Variants in TEX10 observed in about 807,000 individuals in gnomAD.
TEX10 encodes the protein testis-expressed protein 10.
A neutral mutation model predicts 104.4 loss-of-function variants in TEX10; 24 were observed. The observed-to-expected ratio is 0.23, with a 90% CI of 0.17 to 0.32. The LOEUF (loss-of-function observed/expected upper bound fraction) is 0.32, where lower values mean the gene tolerates loss of function less well. Among genes scored for constraint, TEX10 ranks in the 10% least tolerant of loss-of-function variants. The pLI, the probability that TEX10 is intolerant of heterozygous loss-of-function variation, is 1.00. For missense variants in TEX10, 921 were observed against 1,083.9 expected (o/e 0.85, Z 2.11); for synonymous variants, 396 against 393.4 (o/e 1.01, Z -0.08).
intron 13 of TEX10, chr9:100,304,111 A>C: frequency 8.2e-6 from 4 of 490,006 alleles, no homozygotes; most frequent in Non-Finnish European, 3.7e-6. Flanking sequence ...ACACAGATAA[A>C]TGGAAAAACA....
chr9:100,340,003 C>T (rs946758164), intron 5 of TEX10, among the ~76,000 whole-genome samples: 32 of 151,994 alleles, frequency 2.1e-4, no homozygotes, highest in Admixed American at 1.8e-3. Context: ...TTATTAAATT[C>T]GTATTTACAT....
chr9:100,329,342 G>A, intron 6 of TEX10, 67 bp from the exon 7 acceptor site: 1 of 1,553,946 alleles, frequency 6.4e-7, no homozygotes, highest in Non-Finnish European at 8.6e-7. Flanking sequence ...AAATTCCTCT[G>A]AATGCACCGA....
At chr9:100,310,595 G>A (rs1452714527) in intron 11 of TEX10, among the ~76,000 whole-genome samples, 1 of 151,910 alleles carries the variant, frequency 6.6e-6, no homozygotes, top group African/African-American at 2.4e-5. Flanking sequence ...ACACCACCAC[G>A]CCTGGCTAAT....
chr9:100,321,741 A>G lies in TEX10; in HGVS notation c.2010T>C (p.Ala670=), dbSNP rs1343234536. The stretch of plus-strand genomic sequence containing the variant: ...CTACATCACTCATCAACCAGTCTTT[A>G]GCTGAATACTTCCACCCAGAAAATG... ...RSSFSGWKYS[A]KDWLMSDVDY... Residue 670 remains alanine, a synonymous_variant, in exon 10 of 15, where the codon GCT becomes GCC. Transcript: ENST00000374902. 2 of 1,612,708 alleles carry G rather than the reference A, an allele frequency of 1.2e-6. No individual in the cohort carries two copies. The highest frequency in any genetic ancestry group is 1.7e-4 in the Middle Eastern group (1 of 6,058).
Position 100,352,885 on chromosome 9 carries a change from T to C in TEX10, c.-123A>G. Reference sequence around the variant, plus strand: ...CTCAGGCTCTAGCTCCCGGAGCGTGTTTTCAAATAGCCTCGTCCTCACGCG... The same window carrying C: ...CTCAGGCTCTAGCTCCCGGAGCGTGCTTTCAAATAGCCTCGTCCTCACGCG... On this transcript the variant is annotated 5_prime_UTR_variant, in exon 1 of 15. Transcript: ENST00000374902. 2.0e-6 allele frequency: 2 copies of C among 995,500 alleles called. No individual in the cohort carries two copies. Among genetic ancestry groups the C allele is most frequent in the Non-Finnish European group, 2.4e-6 (2 of 837,360 alleles). 61.7% of individuals were successfully genotyped at this position (995,500 alleles called of 1,614,324 possible). A position where few individuals can be genotyped will look rare whatever the true frequency, so the allele number is the denominator to read the frequency against.
At chr9:100,337,538 T>C (rs1015957155) in intron 5 of TEX10, among the ~76,000 whole-genome samples, 2 of 152,220 alleles carry the variant, frequency 1.3e-5, no homozygotes, top group African/African-American at 4.8e-5. Context: ...GGAAAAAGTC[T>C]AACATCTTGC....
At chr9:100,310,606 T>G (rs924959040) in intron 11 of TEX10, among the ~76,000 whole-genome samples, 2 of 152,006 alleles carry the variant, frequency 1.3e-5, no homozygotes, top group Non-Finnish European at 2.9e-5. Flanking sequence ...CCTGGCTAAT[T>G]TTTGTATTCT....
At chr9:100,343,345 A>G (rs936891875) in intron 4 of TEX10, among the ~76,000 whole-genome samples, 9 of 151,172 alleles carry the variant, frequency 6.0e-5, no homozygotes, top group Non-Finnish European at 1.3e-4. Context: ...GCAAAAAAAA[A>G]AAAGAAAGAA....
chr9:100,302,931 C>G (rs1054821017), intron 14 of TEX10, among the ~76,000 whole-genome samples: 2 of 144,290 alleles, frequency 1.4e-5, no homozygotes, highest in Non-Finnish European at 1.5e-5. Flanking sequence ...TTTAACCGCC[C>G]CCCCCCCAAA....
rs571878081 is a variant in TEX10 at position 100,345,497 on chromosome 9, G to C, written c.1137+575C>G. Among the ~76,000 whole-genome samples the C allele has an allele frequency of 7.2e-5, 11 of 152,318 alleles. No homozygotes were observed. In the South Asian group the frequency reaches 2.3e-3, roughly 32 times the overall value. On this transcript the variant is annotated intron_variant, in intron 4 of 14. Coordinates refer to ENST00000374902, the MANE Select transcript of TEX10 (RefSeq NM_017746.4). Reference sequence around the variant, plus strand: ...CTTCTAGCTTTGAAGTCTTGCTTCTGTAGCTACCCTTTTCAAGTGTGTTAC... The same window carrying C: ...CTTCTAGCTTTGAAGTCTTGCTTCTCTAGCTACCCTTTTCAAGTGTGTTAC...
intron 8 of TEX10, 152 bp from the exon 9 acceptor site, chr9:100,326,631 A>C: frequency 1.4e-6 from 1 of 738,194 alleles, no homozygotes; most frequent in Non-Finnish European, 2.1e-6. Context: ...AATTATATTA[A>C]TATCATAAAA....
intron 4 of TEX10, 108 bp downstream of exon 4, chr9:100,345,964 T>A (rs1835290090): frequency 7.7e-7 from 1 of 1,305,248 alleles, no homozygotes; most frequent in East Asian, 2.5e-5. Flanking sequence ...CCAGGGTACT[T>A]TTCAGAAAAA....
At chr9:100,323,485 A>G (rs977069172) in intron 9 of TEX10, among the ~76,000 whole-genome samples, 4 of 152,196 alleles carry the variant, frequency 2.6e-5, no homozygotes, top group African/African-American at 7.2e-5. Context: ...CAATCTGGCT[A>G]TAAATAAACT....
In TEX10 at chr9:100,326,316, C is replaced by A. The variant is rs769696203; in HGVS notation, c.1965G>T (p.Gly655=). ...GAGCATGCTACCTCATGTGCAGTAT[C>A]CCGATAAGCATGGCAGCCAAACTTG... is the stretch of plus-strand genomic sequence containing the variant. ...LSSSLAAMLI[G]ILHMRSSFSG... Residue 655 remains glycine, a synonymous_variant, in exon 9 of 15, where the codon GGG becomes GGT. Coordinates refer to ENST00000374902, the MANE Select transcript of TEX10 (RefSeq NM_017746.4). The A allele has an allele frequency of 2.5e-6, 4 of 1,613,666 alleles. No homozygotes were observed. Among genetic ancestry groups the A allele is most frequent in the Non-Finnish European group, 3.4e-6 (4 of 1,179,858 alleles).
chr9:100,348,380 G>A (rs1449447219), intron 2 of TEX10, among the ~76,000 whole-genome samples: 3 of 152,236 alleles, frequency 2.0e-5, no homozygotes, highest in East Asian at 3.9e-4. Flanking sequence ...CAAAACCAAT[G>A]AATTGTATTC....
intron 10 of TEX10, 92 bp from the exon 11 acceptor site, chr9:100,320,490 G>T: frequency 7.3e-7 from 1 of 1,361,932 alleles, no homozygotes; most frequent in Non-Finnish European, 9.8e-7. Flanking sequence ...ATGCCTTCAA[G>T]TGAACATTCT....
At position 100,322,966 on chromosome 9, in the gene TEX10, T is replaced by C. The variant is rs1004271238; in HGVS notation, c.1980-1195A>G. Among the ~76,000 whole-genome samples, 7 of 152,132 alleles carry C rather than the reference T, an allele frequency of 4.6e-5. No individual in the cohort carries two copies. The East Asian group carries it at 7.7e-4, about 17-fold the overall frequency. On this transcript the variant is annotated intron_variant, in intron 9 of 14. Transcript: ENST00000374902. The stretch of plus-strand genomic sequence containing the variant: ...AGGCATAAAATAATGAAAACACTCT[T>C]CTTGAGTGTCATTCCCAGGTGATAA...
chr9:100,321,420 C>T (rs1834569448), intron 10 of TEX10, among the ~76,000 whole-genome samples: 1 of 152,030 alleles, frequency 6.6e-6, no homozygotes. Context: ...ACATGACATT[C>T]AAATAATGCT....
chr9:100,339,656 G>A (rs927943615), intron 5 of TEX10, among the ~76,000 whole-genome samples: 11 of 152,006 alleles, frequency 7.2e-5, no homozygotes, highest in African/African-American at 2.7e-4. Context: ...GCTCATTTAC[G>A]GGAACTACAG....
Sources: gnomAD v4.1 joint callset for allele counts (sites outside exome capture counted in the v4.1 genomes callset) on GRCh38, gnomAD v4.1.1 for gene constraint, MANE v1.5 for transcripts, NCBI Gene and HGNC (gene_info 2026-07-23, HGNC 2026-07-21) for gene names.